The following NTM variants were observed in gnomAD, a reference collection of about 807,000 sequenced individuals.
NTM encodes the protein IgLON family member 2.
NTM carries 13 observed loss-of-function variants against 42.1 expected under a neutral mutation model. The observed-to-expected ratio is 0.31, with a 90% CI of 0.20 to 0.49. The LOEUF (loss-of-function observed/expected upper bound fraction) is 0.49. Ranked by LOEUF, NTM falls within the 20% of genes least tolerant of loss-of-function variation. NTM has a pLI of 0.99. For missense variants in NTM, 373 were observed against 452.8 expected, an observed-to-expected ratio of 0.82 and a Z score of 1.60; for synonymous variants, 187 against 179.2, an observed-to-expected ratio of 1.04 and a Z score of -0.35.
intron 4 of NTM, among the ~76,000 whole-genome samples, chr11:132,259,594 C>T (rs1217206337): frequency 6.6e-5 from 10 of 151,576 alleles, no homozygotes; most frequent in Non-Finnish European, 1.2e-4. Context: ...GCAGGAGAAT[C>T]GTTTGAACCC....
At chr11:131,570,347 T>G (rs1031326157) in intron 1 of NTM, among the ~76,000 whole-genome samples, 3 of 152,158 alleles carry the variant, frequency 2.0e-5, no homozygotes, top group Non-Finnish European at 4.4e-5. Context: ...CCAGGAACAT[T>G]CTCCATTCCT....
At chr11:131,837,789 G>A (rs1221423836) in intron 1 of NTM, among the ~76,000 whole-genome samples, 7 of 152,102 alleles carry the variant, frequency 4.6e-5, no homozygotes, top group African/African-American at 9.7e-5. Context: ...GGAGCCACCC[G>A]GGTCCTCACC....
intron 1 of NTM, among the ~76,000 whole-genome samples, chr11:131,789,639 GAAGAAGAAGAA>G (rs2090497122): frequency 1.8e-5 from 2 of 109,682 alleles, no homozygotes; most frequent in African/African-American, 7.4e-5. Context: ...AAGAAGAAAA[GAAGAAGAAGAA>G]GAAGAAGAAG....
intron 2 of NTM, among the ~76,000 whole-genome samples, chr11:132,104,448 T>A (rs1342704994): frequency 2.6e-5 from 4 of 151,970 alleles, no homozygotes; most frequent in African/African-American, 9.7e-5. Context: ...AAAAATACCC[T>A]AGCTCTTTAA....
intron 2 of NTM, among the ~76,000 whole-genome samples, chr11:132,142,072 A>G (rs1212107582): frequency 3.9e-5 from 6 of 152,194 alleles, no homozygotes; most frequent in African/African-American, 1.4e-4. Context: ...ATGTGGCAGG[A>G]TGGGCAGAGA....
intron 3 of NTM, among the ~76,000 whole-genome samples, chr11:132,198,126 G>A (rs180828642): frequency 4.6e-5 from 7 of 152,242 alleles, no homozygotes; most frequent in South Asian, 2.1e-4. Flanking sequence ...CAGTGTAAAA[G>A]TATTGTTATT....
At chr11:132,183,810 G>C (rs1051631067) in intron 3 of NTM, among the ~76,000 whole-genome samples, 1 of 151,912 alleles carries the variant, frequency 6.6e-6, no homozygotes, top group African/African-American at 2.4e-5. Flanking sequence ...TTTTTCAAAT[G>C]ACACCTGTGT....
At chr11:131,750,473 C>T (rs1416902090) in intron 1 of NTM, among the ~76,000 whole-genome samples, 2 of 152,190 alleles carry the variant, frequency 1.3e-5, no homozygotes, top group African/African-American at 4.8e-5. Context: ...TTCCAACCAC[C>T]ATACAGGTCT....
chr11:132,087,775 G>A (rs762462991), intron 2 of NTM, among the ~76,000 whole-genome samples: 2 of 152,220 alleles, frequency 1.3e-5, no homozygotes, highest in Non-Finnish European at 2.9e-5. Flanking sequence ...AGACCTGGGG[G>A]AAGAACCTTT....
At chr11:131,964,267 G>A (rs541464204) in intron 2 of NTM, among the ~76,000 whole-genome samples, 5 of 152,146 alleles carry the variant, frequency 3.3e-5, no homozygotes, top group African/African-American at 7.2e-5. Flanking sequence ...ACTTAGATGG[G>A]TCATTTGTTG....
At chr11:131,871,026 G>A (rs1168641431) in intron 1 of NTM, among the ~76,000 whole-genome samples, 1 of 152,206 alleles carries the variant, frequency 6.6e-6, no homozygotes, top group Non-Finnish European at 1.5e-5. Flanking sequence ...ACAAATGTGA[G>A]AAAGCTCATC....
At chr11:132,232,828 A>G (rs2087903717) in intron 4 of NTM, among the ~76,000 whole-genome samples, 1 of 152,266 alleles carries the variant, frequency 6.6e-6, no homozygotes, top group African/African-American at 2.4e-5. Context: ...CTTCTAAGAT[A>G]AAGGTGTTTT....
At chr11:131,519,713 C>T (rs1044099097) in intron 1 of NTM, among the ~76,000 whole-genome samples, 3 of 140,086 alleles carry the variant, frequency 2.1e-5, no homozygotes, top group African/African-American at 8.3e-5. Flanking sequence ...TGGGTTAGAA[C>T]CCGAGAGGTG....
At chr11:131,972,178 A>ACTT (rs2063658024) in intron 2 of NTM, among the ~76,000 whole-genome samples, 1 of 152,012 alleles carries the variant, frequency 6.6e-6, no homozygotes, top group South Asian at 2.1e-4. Flanking sequence ...GCACCACTGC[A>ACTT]CTTCAGCCTG....
At chr11:132,155,189 T>G (rs2072901594) in intron 3 of NTM, among the ~76,000 whole-genome samples, 1 of 152,212 alleles carries the variant, frequency 6.6e-6, no homozygotes, top group Admixed American at 6.5e-5. Flanking sequence ...GGTTACAGTC[T>G]GAATTTTGAT....
intron 1 of NTM, among the ~76,000 whole-genome samples, chr11:131,808,634 T>A (rs1289392922): frequency 6.6e-6 from 1 of 151,932 alleles, no homozygotes; most frequent in Non-Finnish European, 1.5e-5. Flanking sequence ...CACAGAGGAG[T>A]GGTCATGAAC....
At chr11:131,797,681 A>G (rs1433262021) in intron 1 of NTM, among the ~76,000 whole-genome samples, 1 of 152,194 alleles carries the variant, frequency 6.6e-6, no homozygotes, top group Admixed American at 6.5e-5. Flanking sequence ...TACCAACGTA[A>G]CTCCCAGGTG....
intron 3 of NTM, among the ~76,000 whole-genome samples, chr11:132,184,580 G>T (rs547884933): frequency 2.0e-5 from 3 of 152,192 alleles, no homozygotes; most frequent in African/African-American, 7.2e-5. Context: ...GTAGTTAAAG[G>T]TGGTGAAACC....
intron 1 of NTM, among the ~76,000 whole-genome samples, chr11:131,861,775 T>C (rs1468109465): frequency 6.6e-6 from 1 of 152,152 alleles, no homozygotes; most frequent in African/African-American, 2.4e-5. Flanking sequence ...AAAAAGGTGT[T>C]GTAGGCCACA....
Sources: gnomAD v4.1 joint callset for allele counts (sites outside exome capture counted in the v4.1 genomes callset) on GRCh38, gnomAD v4.1.1 for gene constraint, MANE v1.5 for transcripts, NCBI Gene and HGNC (gene_info 2026-07-23, HGNC 2026-07-21) for gene names.